Variants in IMMP2L observed in about 807,000 individuals in gnomAD.
The protein encoded by IMMP2L is mitochondrial inner membrane protease subunit 2.
In IMMP2L, 18 loss-of-function variants were observed where a neutral mutation model predicts 19.3. The observed-to-expected ratio is 0.93, with a 90% CI of 0.64 to 1.38. IMMP2L has a LOEUF of 1.38. Ranked by LOEUF, IMMP2L falls within the 40% of genes most tolerant of loss-of-function variation. The pLI is 0.00. For synonymous variants in IMMP2L, 76 were observed against 73.0 expected (o/e 1.04, Z -0.21); for missense variants, 233 against 218.2 (o/e 1.07, Z -0.43).
At position 110,878,909 on chromosome 7, in the gene IMMP2L, G is replaced by T. The variant is rs556713488; in HGVS notation, c.408+7684C>A. ...ATATGGAGGTATATTTATCAAGTTA[G>T]GAAAAGTAACATATTTCATTTAACA... On this transcript the variant is annotated intron_variant, in intron 5 of 5. Coordinates refer to ENST00000405709, the MANE Select transcript of IMMP2L (RefSeq NM_032549.4). Among the ~76,000 whole-genome samples, 10 of 152,140 alleles carry T rather than the reference G, an allele frequency of 6.6e-5. No individual in the cohort carries two copies. In the South Asian group the frequency reaches 2.1e-3, roughly 32 times the overall value.
chr7:111,161,494 T>C lies in IMMP2L; in HGVS notation c.240-197929A>G, dbSNP rs1805256902. Among the ~76,000 whole-genome samples, 3 of 151,996 alleles carry C rather than the reference T, an allele frequency of 2.0e-5. No individual in the cohort carries two copies. The South Asian group carries it at 6.2e-4, about 31-fold the overall frequency. On this transcript the variant is annotated intron_variant, in intron 3 of 5. Transcript: ENST00000405709. ...TAAGAAAAAATTATAATTATCTCAATAGATATAGAAAAAAGTATCTGATAA... is the reference window on the plus strand; with the variant it reads ...TAAGAAAAAATTATAATTATCTCAACAGATATAGAAAAAAGTATCTGATAA...
At chr7:111,294,164 T>C (rs1245518224) in intron 3 of IMMP2L, among the ~76,000 whole-genome samples, 3 of 151,910 alleles carry the variant, frequency 2.0e-5, no homozygotes, top group Admixed American at 2.0e-4. Context: ...TTTGGGTTAT[T>C]TTCTTTACCC....
rs188338115 is a variant in IMMP2L, at chr7:111,353,422, T to G, written c.239+133816A>C. ...TTTGGCTAATTTCTTTCCAATCTGTTGTTAAAAGTTAAAATAAAAATAAAT... is the reference window on the plus strand; with the variant it reads ...TTTGGCTAATTTCTTTCCAATCTGTGGTTAAAAGTTAAAATAAAAATAAAT... On this transcript the variant is annotated intron_variant, in intron 3 of 5. Coordinates refer to ENST00000405709, the MANE Select transcript of IMMP2L (RefSeq NM_032549.4). Among the ~76,000 whole-genome samples, 6 of 152,300 alleles carry G rather than the reference T, an allele frequency of 3.9e-5. No homozygotes were observed. In the East Asian group the frequency reaches 1.2e-3, roughly 29 times the overall value.
chr7:111,459,293 G>C (rs1036766375), intron 3 of IMMP2L, among the ~76,000 whole-genome samples: 1 of 151,998 alleles, frequency 6.6e-6, no homozygotes. Flanking sequence ...AAAGATAAAA[G>C]AATTGTTAAG....
chr7:110,923,933 A>G (rs1201595590), intron 4 of IMMP2L, among the ~76,000 whole-genome samples: 1 of 152,174 alleles, frequency 6.6e-6, no homozygotes, highest in Non-Finnish European at 1.5e-5. Flanking sequence ...GATTGACAAG[A>G]GAAGCCCAGG....
intron 3 of IMMP2L, among the ~76,000 whole-genome samples, chr7:110,988,782 G>C (rs914710271): frequency 6.6e-6 from 1 of 152,080 alleles, no homozygotes; most frequent in Non-Finnish European, 1.5e-5. Flanking sequence ...GGAATAGTAT[G>C]TATTCAAAAA....
intron 1 of IMMP2L, among the ~76,000 whole-genome samples, chr7:111,548,331 G>T (rs1242364859): frequency 6.6e-6 from 1 of 151,978 alleles, no homozygotes. Context: ...CATAAATCAG[G>T]TAACACCTAA....
chr7:110,787,750 T>C (rs1004697679), intron 5 of IMMP2L, among the ~76,000 whole-genome samples: 4 of 151,938 alleles, frequency 2.6e-5, no homozygotes, highest in South Asian at 4.1e-4. Context: ...TCCTAGGTAC[T>C]AGGAATAGGT....
intron 3 of IMMP2L, among the ~76,000 whole-genome samples, chr7:110,985,615 T>C (rs1821777779): frequency 1.3e-5 from 2 of 152,144 alleles, no homozygotes; most frequent in South Asian, 2.1e-4. Flanking sequence ...TAAAAGTGTG[T>C]GAATGTTTTA....
chr7:110,913,076 T>C (rs1813230805), intron 4 of IMMP2L, among the ~76,000 whole-genome samples: 1 of 152,142 alleles, frequency 6.6e-6, no homozygotes, highest in African/African-American at 2.4e-5. Flanking sequence ...TTCCATGCTT[T>C]GTTGTCAAAT....
chr7:111,015,565 AC>A (rs369239059), intron 3 of IMMP2L, among the ~76,000 whole-genome samples: 6 of 152,140 alleles, frequency 3.9e-5, no homozygotes, highest in African/African-American at 1.4e-4. Flanking sequence ...GTTTTTCACC[AC>A]AATAGAAAAA....
chr7:111,314,018 G>A (rs1303644204), intron 3 of IMMP2L, among the ~76,000 whole-genome samples: 1 of 152,094 alleles, frequency 6.6e-6, no homozygotes, highest in Non-Finnish European at 1.5e-5. Context: ...GCTGTGTGAA[G>A]TGCCTGTTCC....
chr7:111,468,833 C>G (rs537720034), intron 3 of IMMP2L, among the ~76,000 whole-genome samples: 1 of 152,038 alleles, frequency 6.6e-6, no homozygotes, highest in East Asian at 1.9e-4. Flanking sequence ...TAAGAAAAAC[C>G]TAGAAGTTAA....
At chr7:111,115,844 T>G (rs1222257175) in intron 3 of IMMP2L, among the ~76,000 whole-genome samples, 1 of 151,884 alleles carries the variant, frequency 6.6e-6, no homozygotes, top group Non-Finnish European at 1.5e-5. Flanking sequence ...ACCTGGCTAA[T>G]TTTTGTATTT....
At chr7:111,202,557 G>T (rs745974396) in intron 3 of IMMP2L, among the ~76,000 whole-genome samples, 66 of 152,278 alleles carry the variant, frequency 4.3e-4, no homozygotes, top group Middle Eastern at 3.4e-3. Context: ...CCTCCACTTT[G>T]TTCTAGGTTG....
intron 5 of IMMP2L, among the ~76,000 whole-genome samples, chr7:110,665,612 C>T (rs1040657217): frequency 2.1e-4 from 32 of 152,100 alleles, no homozygotes; most frequent in African/African-American, 7.7e-4. Context: ...ATCTGGAGTC[C>T]CAGCAAGCTG....
At position 111,329,131 on chromosome 7, in the gene IMMP2L, A is replaced by G. The variant is rs757712587; in HGVS notation, c.239+158107T>C. Among the ~76,000 whole-genome samples the G allele has an allele frequency of 3.9e-5, 6 of 151,994 alleles. 1 individual carries two copies. In the Middle Eastern group the frequency reaches 0.01, roughly 258 times the overall value. On this transcript the variant is annotated intron_variant, in intron 3 of 5. Transcript: ENST00000405709. ...ATTCAAATTCATAATAAGCCAAGATACGAAACATTTAAGTTGCTGCAGGAT... is the reference window on the plus strand; with the variant it reads ...ATTCAAATTCATAATAAGCCAAGATGCGAAACATTTAAGTTGCTGCAGGAT...
At chr7:111,498,277 C>A (rs1843784772) in intron 2 of IMMP2L, among the ~76,000 whole-genome samples, 1 of 152,062 alleles carries the variant, frequency 6.6e-6, no homozygotes, top group African/African-American at 2.4e-5. Context: ...GATAGCTATT[C>A]TAATTTATAG....
At chr7:110,794,346 A>G (rs1219934626) in intron 5 of IMMP2L, among the ~76,000 whole-genome samples, 1 of 152,156 alleles carries the variant, frequency 6.6e-6, no homozygotes, top group Non-Finnish European at 1.5e-5. Context: ...TTCAAGCCAT[A>G]GAAAGACATA....
Sources: allele counts gnomAD v4.1 joint callset (sites outside exome capture counted in the v4.1 genomes callset), GRCh38; gene constraint gnomAD v4.1.1; transcripts MANE v1.5; gene names NCBI Gene and HGNC (gene_info 2026-07-23, HGNC 2026-07-21).